The following DNAH9 variants were observed in gnomAD, a reference collection of about 807,000 sequenced individuals.
The protein encoded by DNAH9 is dynein axonemal heavy chain 9, also known as DNAH9 variant protein.
A neutral mutation model predicts 471.6 loss-of-function variants in DNAH9; 345 were observed. That is an observed-to-expected ratio of 0.73 (90% CI 0.67 to 0.80). The LOEUF (loss-of-function observed/expected upper bound fraction) is 0.80, where lower values mean the gene tolerates loss of function less well. Among genes scored for constraint, DNAH9 ranks in the 30% least tolerant of loss-of-function variants. The pLI, the probability that DNAH9 is intolerant of heterozygous loss-of-function variation, is 0.00. For missense variants in DNAH9, 5,407 were observed against 5,609.2 expected (o/e 0.96, Z 1.15); for synonymous variants, 2,093 against 2,123.6 (o/e 0.99, Z 0.40).
intron 49 of DNAH9, among the ~76,000 whole-genome samples, chr17:11,842,824 A>C (rs1232712494): frequency 6.6e-6 from 1 of 152,194 alleles, no homozygotes; most frequent in Non-Finnish European, 1.5e-5. Context: ...TGCCTCTCCC[A>C]GTCCACTGAC....
At chr17:11,909,937 A>T (rs1303361371) in intron 61 of DNAH9, among the ~76,000 whole-genome samples, 1 of 152,178 alleles carries the variant, frequency 6.6e-6, no homozygotes, top group Non-Finnish European at 1.5e-5. Context: ...CTAGTCAGCC[A>T]TCATTTACTT....
At chr17:11,628,544 C>T (rs1462560480) in intron 6 of DNAH9, among the ~76,000 whole-genome samples, 2 of 152,220 alleles carry the variant, frequency 1.3e-5, no homozygotes, top group Non-Finnish European at 2.9e-5. Flanking sequence ...ACCTGGCTGG[C>T]GGCAGGGTGT....
chr17:11,902,658 A>G, intron 59 of DNAH9, 61 bp from the exon 60 acceptor site: 2 of 1,506,040 alleles, frequency 1.3e-6, no homozygotes, highest in Non-Finnish European at 1.8e-6. Flanking sequence ...CAATCCCCCA[A>G]CACAATGCAA....
intron 45 of DNAH9, among the ~76,000 whole-genome samples, chr17:11,820,834 A>G (rs1225711246): frequency 6.6e-6 from 1 of 152,146 alleles, no homozygotes; most frequent in Non-Finnish European, 1.5e-5. Context: ...TGCATTCATG[A>G]AATTTATTTT....
chr17:11,644,544 T>C (rs1214754354), intron 10 of DNAH9, 87 bp from the exon 11 acceptor site: 6 of 952,644 alleles, frequency 6.3e-6, no homozygotes, highest in Non-Finnish European at 9.7e-6. Flanking sequence ...CTATTCACGC[T>C]CTTCTTTGGA....
At chr17:11,703,106 AG>A (rs2074633424) in intron 24 of DNAH9, among the ~76,000 whole-genome samples, 2 of 148,944 alleles carry the variant, frequency 1.3e-5, no homozygotes, top group Admixed American at 6.6e-5. Flanking sequence ...AAAAAAAAAA[AG>A]AAAAGAAAAG....
At chr17:11,713,918 T>C (rs1323063986) in intron 26 of DNAH9, among the ~76,000 whole-genome samples, 1 of 152,206 alleles carries the variant, frequency 6.6e-6, no homozygotes, top group Non-Finnish European at 1.5e-5. Context: ...TAATTTTTGC[T>C]AGAGAGATGA....
chr17:11,859,480 C>T (rs1231710005), intron 50 of DNAH9, among the ~76,000 whole-genome samples: 1 of 151,564 alleles, frequency 6.6e-6, no homozygotes, highest in Non-Finnish European at 1.5e-5. Context: ...CCTTTATTTC[C>T]TGTTCTATTA....
chr17:11,801,531 A>C (rs1969461411), intron 43 of DNAH9, among the ~76,000 whole-genome samples: 1 of 152,148 alleles, frequency 6.6e-6, no homozygotes, highest in Non-Finnish European at 1.5e-5. Context: ...CTCTACTAAA[A>C]ATACAAATTA....
chr17:11,733,719 ATGG>A (rs1303488434), intron 28 of DNAH9, among the ~76,000 whole-genome samples: 1 of 151,964 alleles, frequency 6.6e-6, no homozygotes, highest in African/African-American at 2.4e-5. Flanking sequence ...TTAGCCAGGC[ATGG>A]TGGTGGGAGC....
intron 27 of DNAH9, among the ~76,000 whole-genome samples, chr17:11,726,688 A>G (rs1006468475): frequency 1.3e-5 from 2 of 152,152 alleles, no homozygotes; most frequent in African/African-American, 4.8e-5. Context: ...CAACCTGACC[A>G]AAAGTTCTTA....
At chr17:11,719,588 T>G in intron 27 of DNAH9, 98 bp downstream of exon 27, 1 of 1,160,780 alleles carries the variant, frequency 8.6e-7, no homozygotes. Flanking sequence ...CTGACCCAGC[T>G]TCCCCAGGTC....
intron 67 of DNAH9, chr17:11,953,899 AACATGTAAG>A (rs1166887260): frequency 1.5e-4 from 23 of 152,264 alleles, no homozygotes; most frequent in African/African-American, 5.3e-4. Context: ...TATAATGTAG[AACATGTAAG>A]ATATTTATTA....
intron 19 of DNAH9, among the ~76,000 whole-genome samples, chr17:11,682,406 T>C (rs2074150246): frequency 6.6e-6 from 1 of 152,004 alleles, no homozygotes; most frequent in African/African-American, 2.4e-5. Context: ...CATGCTCATG[T>C]CTTAGGAAGC....
At chr17:11,847,221 C>T (rs538194844) in intron 49 of DNAH9, among the ~76,000 whole-genome samples, 4 of 152,276 alleles carry the variant, frequency 2.6e-5, no homozygotes, top group Non-Finnish European at 4.4e-5. Flanking sequence ...AATTAGATCT[C>T]ATTTGTCAAT....
At chr17:11,676,275 CTTTTTTTTTTTTTTTT>C (rs67397847) in intron 17 of DNAH9, among the ~76,000 whole-genome samples, 2 of 73,882 alleles carry the variant, frequency 2.7e-5, no homozygotes, top group Non-Finnish European at 5.2e-5. Context: ...CATTTCTGTT[CTTTTTTTTTTTTTTTT>C]TTTTTTTTGA....
At chr17:11,791,737 G>A (rs947041860) in intron 41 of DNAH9, among the ~76,000 whole-genome samples, 1 of 152,178 alleles carries the variant, frequency 6.6e-6, no homozygotes, top group African/African-American at 2.4e-5. Context: ...AAATAATTTG[G>A]GAAACTAATA....
At chr17:11,960,596 C>A (rs938236849) in intron 67 of DNAH9, among the ~76,000 whole-genome samples, 1 of 151,654 alleles carries the variant, frequency 6.6e-6, no homozygotes, top group Non-Finnish European at 1.5e-5. Flanking sequence ...CCCATCTCTA[C>A]TAAAAATACA....
intron 6 of DNAH9, among the ~76,000 whole-genome samples, chr17:11,625,553 C>T (rs2072954446): frequency 6.6e-6 from 1 of 152,174 alleles, no homozygotes; most frequent in African/African-American, 2.4e-5. Flanking sequence ...TTTGTGCTCT[C>T]CCTTAATGAA....
Sources: allele counts gnomAD v4.1 joint callset (sites outside exome capture counted in the v4.1 genomes callset), GRCh38; gene constraint gnomAD v4.1.1; transcripts MANE v1.5; gene names NCBI Gene and HGNC (gene_info 2026-07-23, HGNC 2026-07-21).